The following RBFOX1 variants were observed in gnomAD, a reference collection of about 807,000 sequenced individuals.
RBFOX1 encodes RNA binding protein fox-1 homolog 1.
A neutral mutation model predicts 57.7 loss-of-function variants in RBFOX1; 8 were observed. The ratio of observed to expected loss-of-function variants is 0.14; its 90% CI spans 0.08 to 0.25. The LOEUF (loss-of-function observed/expected upper bound fraction) is 0.25, where lower values mean the gene tolerates loss of function less well. Among genes scored for constraint, RBFOX1 ranks in the 10% least tolerant of loss-of-function variants. The pLI is 1.00. For synonymous variants in RBFOX1, 326 were observed against 222.4 expected (o/e 1.47, Z -4.15); for missense variants, 611 against 548.5 (o/e 1.11, Z -1.14).
In RBFOX1 at chr16:5,626,209, C is replaced by A. The variant is rs191405304; in HGVS notation, c.318+27248C>A. Among the ~76,000 whole-genome samples the A allele has an allele frequency of 3.7e-4, 57 of 152,308 alleles. 1 individual carries two copies. Among genetic ancestry groups the A allele is most frequent in the Admixed American group, 2.8e-3 (43 of 15,298 alleles). On this transcript the variant is annotated intron_variant, in intron 3 of 19. Coordinates refer to the RBFOX1 transcript ENST00000641259. ...TAATATTTTGTGTCCTCCAACTTAT[C>A]CTCTGGAGGAAGGATGGCTCAGAGT...
At chr16:7,504,772 TATATATATATATA>T (rs1567554914) in intron 4 of RBFOX1, among the ~76,000 whole-genome samples, 106 of 7,568 alleles carry the variant, frequency 0.014, 27 homozygotes, top group African/African-American at 0.032. Context: ...TATATATATT[TATATATATATATA>T]TTTATATATA....
At chr16:5,342,662 G>A (rs1237430705) in intron 1 of RBFOX1, among the ~76,000 whole-genome samples, 1 of 152,124 alleles carries the variant, frequency 6.6e-6, no homozygotes, top group African/African-American at 2.4e-5. Flanking sequence ...GGGTAGGAGA[G>A]CTGGTCTTAG....
chr16:6,271,832 A>C (rs2075252844), intron 1 of RBFOX1, among the ~76,000 whole-genome samples: 1 of 152,156 alleles, frequency 6.6e-6, no homozygotes, highest in South Asian at 2.1e-4. Flanking sequence ...ATAAATCTCC[A>C]GATCAGGAGG....
intron 4 of RBFOX1, among the ~76,000 whole-genome samples, chr16:7,388,951 G>A (rs747755224): frequency 4.6e-5 from 7 of 152,146 alleles, no homozygotes; most frequent in Non-Finnish European, 8.8e-5. Flanking sequence ...AAGCATGTAC[G>A]CAGAGCTTAA....
intron 4 of RBFOX1, among the ~76,000 whole-genome samples, chr16:7,511,851 G>T (rs2075179869): frequency 6.6e-6 from 1 of 151,806 alleles, no homozygotes; most frequent in Non-Finnish European, 1.5e-5. Context: ...CTAGTCAGTT[G>T]TGCAGCAGCA....
At chr16:5,287,040 C>G (rs749804913) in intron 1 of RBFOX1, among the ~76,000 whole-genome samples, 1 of 152,182 alleles carries the variant, frequency 6.6e-6, no homozygotes, top group South Asian at 2.1e-4. Context: ...TGTGGTGGCT[C>G]ATGCCTGTAA....
chr16:6,164,077 A>C (rs1044242768), intron 1 of RBFOX1, among the ~76,000 whole-genome samples: 1 of 152,192 alleles, frequency 6.6e-6, no homozygotes, highest in African/African-American at 2.4e-5. Flanking sequence ...TATTAACTTT[A>C]GTCCTCACGC....
intron 3 of RBFOX1, among the ~76,000 whole-genome samples, chr16:6,884,311 C>T (rs922075523): frequency 6.6e-6 from 1 of 152,140 alleles, no homozygotes; most frequent in Non-Finnish European, 1.5e-5. Context: ...CAGCTCTGAG[C>T]CTTGCTTAAC....
At chr16:5,497,189 T>C (rs7202348) in intron 2 of RBFOX1, among the ~76,000 whole-genome samples, 34,332 of 152,148 alleles carry the variant, frequency 0.23, 6,690 homozygotes, top group African/African-American at 0.53. Context: ...TTCACCGGGG[T>C]TGGTGAATTT....
chr16:7,303,547 T>C (rs948500442), intron 4 of RBFOX1, among the ~76,000 whole-genome samples: 6 of 152,044 alleles, frequency 3.9e-5, no homozygotes, highest in African/African-American at 1.4e-4. Context: ...ATTTAAATTT[T>C]GGTGAGTGTT....
chr16:6,792,899 G>A (rs1042284516), intron 3 of RBFOX1, among the ~76,000 whole-genome samples: 6 of 151,840 alleles, frequency 4.0e-5, no homozygotes, highest in South Asian at 2.1e-4. Flanking sequence ...GTGTGATGGC[G>A]GGCACCTGTA....
intron 2 of RBFOX1, among the ~76,000 whole-genome samples, chr16:6,584,162 TC>T (rs2097574033): frequency 6.6e-6 from 1 of 151,900 alleles, no homozygotes; most frequent in East Asian, 1.9e-4. Flanking sequence ...GTAAGCATTG[TC>T]CCTGCTGTAA....
In RBFOX1 at chr16:7,710,770, A is replaced by C; in HGVS notation, c.*25A>C. On this transcript the variant is annotated 3_prime_UTR_variant, in exon 16 of 16. Transcript: ENST00000550418. Reference sequence around the variant, plus strand: ...AATGACAAAACCATAAAAACCTTCCAATGTGGGGAGAAAGGAAGCTTTCCG... The same window carrying C: ...AATGACAAAACCATAAAAACCTTCCCATGTGGGGAGAAAGGAAGCTTTCCG... 5 of 1,524,844 alleles carry C rather than the reference A, an allele frequency of 3.3e-6. No individual in the cohort carries two copies. The highest frequency in any genetic ancestry group is 4.4e-6 in the Non-Finnish European group (5 of 1,134,972). The allele number at this position is 1,524,844 out of a possible 1,614,324, so 94.5% of individuals were successfully genotyped here. A position where few individuals can be genotyped will look rare whatever the true frequency, so the allele number is the denominator to read the frequency against.
intron 1 of RBFOX1, among the ~76,000 whole-genome samples, chr16:5,395,296 G>T (rs1393497602): frequency 6.6e-6 from 1 of 152,212 alleles, no homozygotes; most frequent in Non-Finnish European, 1.5e-5. Context: ...AGGAAGTTCA[G>T]GCTCTTCGTA....
chr16:5,586,281 C>G (rs1334559951), intron 2 of RBFOX1, among the ~76,000 whole-genome samples: 1 of 152,148 alleles, frequency 6.6e-6, no homozygotes, highest in African/African-American at 2.4e-5. Flanking sequence ...TTATTTTAGA[C>G]CACTCAGTTG....
intron 4 of RBFOX1, among the ~76,000 whole-genome samples, chr16:7,224,410 A>T (rs916014598): frequency 2.0e-5 from 3 of 152,130 alleles, no homozygotes; most frequent in African/African-American, 7.2e-5. Context: ...ACTTGCCATC[A>T]CCCTTGGCCT....
At chr16:6,891,618 C>T (rs527694458) in intron 3 of RBFOX1, among the ~76,000 whole-genome samples, 1 of 152,314 alleles carries the variant, frequency 6.6e-6, no homozygotes, top group South Asian at 2.1e-4. Flanking sequence ...ATCACTGAAG[C>T]TGGCAGCATT....
chr16:5,480,966 C>T (rs932556678), intron 2 of RBFOX1, among the ~76,000 whole-genome samples: 1 of 152,166 alleles, frequency 6.6e-6, no homozygotes, highest in Non-Finnish European at 1.5e-5. Context: ...TGGAATGCTC[C>T]GTCTAAAGTC....
At chr16:6,768,780 G>A (rs2077804392) in intron 3 of RBFOX1, among the ~76,000 whole-genome samples, 1 of 150,212 alleles carries the variant, frequency 6.7e-6, no homozygotes, top group Admixed American at 6.7e-5. Context: ...CCAGGTTGGA[G>A]TGCAATGGGG....
Sources: gnomAD v4.1 joint callset for allele counts (sites outside exome capture counted in the v4.1 genomes callset) on GRCh38, gnomAD v4.1.1 for gene constraint, MANE v1.5 for transcripts, NCBI Gene and HGNC (gene_info 2026-07-23, HGNC 2026-07-21) for gene names.